The following PCDHA6 variants were observed in gnomAD, a reference collection of about 807,000 sequenced individuals.
PCDHA6 encodes the protein protocadherin alpha 6.
Under a neutral mutation model 60.3 loss-of-function variants are expected in PCDHA6, and 55 were observed. That is an observed-to-expected ratio of 0.91 (90% CI 0.73 to 1.14). PCDHA6 has a LOEUF of 1.14. Among genes scored for constraint, PCDHA6 ranks in the 50% most tolerant of loss-of-function variants. The pLI is 0.00. For synonymous variants in PCDHA6, 652 were observed against 557.9 expected, an observed-to-expected ratio of 1.17 and a Z score of -2.38; for missense variants, 1,327 against 1,256.5, an observed-to-expected ratio of 1.06 and a Z score of -0.85.
chr5:140,838,266 A>G (rs1554136963), intron 1 of PCDHA6, among the ~76,000 whole-genome samples: 4 of 140,468 alleles, frequency 2.8e-5, no homozygotes, highest in Non-Finnish European at 6.1e-5. Flanking sequence ...GACGCCAACA[A>G]CCAAGCCATG....
chr5:140,871,658 C>A, intron 1 of PCDHA6: 1 of 1,224,214 alleles, frequency 8.2e-7, no homozygotes, highest in Non-Finnish European at 1.1e-6. Flanking sequence ...TGATACACAT[C>A]TTCAGTCTTT....
intron 1 of PCDHA6, among the ~76,000 whole-genome samples, chr5:140,914,715 T>A (rs1554196547): frequency 6.6e-6 from 1 of 152,162 alleles, no homozygotes; most frequent in Non-Finnish European, 1.5e-5. Flanking sequence ...TTCTTGTTTT[T>A]TATTTTTTGT....
chr5:140,889,089 A>G (rs1186785152), intron 1 of PCDHA6, among the ~76,000 whole-genome samples: 2 of 151,884 alleles, frequency 1.3e-5, no homozygotes, highest in Non-Finnish European at 2.9e-5. Flanking sequence ...AATTTTCAAA[A>G]CAATTTTTTC....
intron 1 of PCDHA6, chr5:140,868,381 A>C (rs1554161945): frequency 2.0e-5 from 3 of 152,316 alleles, no homozygotes; most frequent in Non-Finnish European, 4.4e-5. Flanking sequence ...GTAAAGAATG[A>C]GAACTATAGA....
At chr5:140,981,380 C>T (rs2096929731) in intron 2 of PCDHA6, among the ~76,000 whole-genome samples, 1 of 152,054 alleles carries the variant, frequency 6.6e-6, no homozygotes, top group Non-Finnish European at 1.5e-5. Flanking sequence ...TCAAGACCAG[C>T]CTGGTCAATA....
Position 140,829,218 on chromosome 5 carries a change from A to G in PCDHA6, c.1127A>G (p.Asp376Gly). ...GTCATCGCCCTAATTAGCGTGAACGACCTCGATTCAGGTGCCAACGGGCAG... is the reference window on the plus strand; with the variant it reads ...GTCATCGCCCTAATTAGCGTGAACGGCCTCGATTCAGGTGCCAACGGGCAG... ...GTVIALISVN[D>G]LDSGANGQVN... Residue 376 changes from aspartate to glycine, a missense_variant, in exon 1 of 4, where the codon GAC (aspartate) becomes GGC (glycine). Coordinates refer to ENST00000529310, the MANE Select transcript of PCDHA6 (RefSeq NM_018909.4). 1 of 1,614,180 alleles carries G rather than the reference A, an allele frequency of 6.2e-7. No homozygotes were observed. The highest frequency in any genetic ancestry group is 8.5e-7 in the Non-Finnish European group (1 of 1,180,036).
chr5:140,833,118 A>G (rs1296714112), intron 1 of PCDHA6, among the ~76,000 whole-genome samples: 1 of 152,250 alleles, frequency 6.6e-6, no homozygotes, highest in African/African-American at 2.4e-5. Flanking sequence ...CTTCAAAGTC[A>G]TTTGAAAGCT....
At position 140,987,008 on chromosome 5, in the gene PCDHA6, G is replaced by A. The variant is rs958548514; in HGVS notation, c.2542+4445G>A. 2.6e-5 allele frequency among the ~76,000 whole-genome samples: 4 copies of A among 152,260 alleles called. No individual in the cohort carries two copies. The South Asian group carries it at 6.2e-4, about 24-fold the overall frequency. On this transcript the variant is annotated intron_variant, in intron 3 of 3. Transcript: ENST00000529310. ...GCAGGCAGATCACTTGAGGTCATGA[G>A]TTCGAGACCAGCCTGGTCAACATGG... is the stretch of plus-strand genomic sequence containing the variant.
At chr5:140,928,657 G>T in intron 1 of PCDHA6, 1 of 1,614,220 alleles carries the variant, frequency 6.2e-7, no homozygotes, top group Admixed American at 1.7e-5. Flanking sequence ...AGAGGATGCT[G>T]ACAGTGGTTC....
intron 1 of PCDHA6, among the ~76,000 whole-genome samples, chr5:140,916,911 GA>G (rs2077779129): frequency 1.3e-5 from 2 of 152,178 alleles, no homozygotes; most frequent in Admixed American, 1.3e-4. Context: ...AGTTTACCTA[GA>G]ACCTCAGAGC....
At chr5:140,908,452 T>A (rs2073982140) in intron 1 of PCDHA6, among the ~76,000 whole-genome samples, 1 of 152,196 alleles carries the variant, frequency 6.6e-6, no homozygotes, top group African/African-American at 2.4e-5. Context: ...TATGGCTAGA[T>A]GGATCAGAAA....
At chr5:140,996,811 A>G (rs2097746792) in intron 3 of PCDHA6, among the ~76,000 whole-genome samples, 1 of 152,212 alleles carries the variant, frequency 6.6e-6, no homozygotes, top group African/African-American at 2.4e-5. Flanking sequence ...ATGCTTTCCA[A>G]AAGTAACCAC....
intron 1 of PCDHA6, chr5:140,841,186 T>C (rs1554138025): frequency 1.7e-6 from 2 of 1,195,696 alleles, no homozygotes; most frequent in Non-Finnish European, 2.3e-6. Flanking sequence ...ATGTTCAAAG[T>C]CTTTTCTCTG....
chr5:140,844,317 T>G (rs1026706831), intron 1 of PCDHA6, among the ~76,000 whole-genome samples: 3 of 149,600 alleles, frequency 2.0e-5, no homozygotes, highest in African/African-American at 7.3e-5. Context: ...TTCTTCCTAA[T>G]TTTATTATAA....
intron 3 of PCDHA6, among the ~76,000 whole-genome samples, chr5:141,004,805 A>G (rs1588069791): frequency 6.6e-6 from 1 of 152,310 alleles, no homozygotes; most frequent in African/African-American, 2.4e-5. Flanking sequence ...GCTGAGCTCA[A>G]TTGCAGATTT....
chr5:140,994,263 C>G (rs1329526022), intron 3 of PCDHA6, among the ~76,000 whole-genome samples: 1 of 152,160 alleles, frequency 6.6e-6, no homozygotes, highest in African/African-American at 2.4e-5. Flanking sequence ...ATAAGGTAAG[C>G]TAGGCTGCCT....
At chr5:140,909,065 A>G (rs1402526950) in intron 1 of PCDHA6, among the ~76,000 whole-genome samples, 3 of 152,218 alleles carry the variant, frequency 2.0e-5, no homozygotes, top group Admixed American at 6.5e-5. Flanking sequence ...TGTCTCACCA[A>G]TAAGCCCAGT....
In PCDHA6 at chr5:140,870,260, G is replaced by T. The variant is rs782261095; in HGVS notation, c.2394+39775G>T. The T allele has an allele frequency of 2.0e-5, 32 of 1,614,082 alleles. No individual in the cohort carries two copies. The highest frequency in any genetic ancestry group is 3.3e-4 in the Middle Eastern group (2 of 6,082). On this transcript the variant is annotated intron_variant, in intron 1 of 3. Coordinates refer to ENST00000529310, the MANE Select transcript of PCDHA6 (RefSeq NM_018909.4). ...TCAGGTGTCAACGGACAGGTGACCT[G>T]CTCGCTGACGCCCCACGTTCCCTTC...
chr5:140,928,659 C>T (rs782522131), intron 1 of PCDHA6: 2 of 1,614,080 alleles, frequency 1.2e-6, no homozygotes, highest in African/African-American at 2.7e-5. Context: ...AGGATGCTGA[C>T]AGTGGTTCTA....
Sources: gnomAD v4.1 joint callset for allele counts (sites outside exome capture counted in the v4.1 genomes callset) on GRCh38, gnomAD v4.1.1 for gene constraint, MANE v1.5 for transcripts, NCBI Gene and HGNC (gene_info 2026-07-23, HGNC 2026-07-21) for gene names.